NSF: variants seen among roughly 807,000 people sequenced by gnomAD.
NSF encodes the protein vesicle-fusing ATPase.
Under a neutral mutation model 50.3 loss-of-function variants are expected in NSF, and 14 were observed. That is an observed-to-expected ratio of 0.28 (90% CI 0.18 to 0.44). The LOEUF (loss-of-function observed/expected upper bound fraction) is 0.44. Ranked by LOEUF, NSF falls within the 20% of genes least tolerant of loss-of-function variation. The probability of loss-of-function intolerance (pLI) is 1.00; values close to 1 mark genes in which losing one functional copy is unlikely to be tolerated. For missense variants in NSF, 218 were observed against 504.3 expected (o/e 0.43, Z 5.44); for synonymous variants, 109 against 175.7 (o/e 0.62, Z 3.00).
intron 15 of NSF, chr17:46,721,813 C>T (rs1211693088): frequency 3.1e-6 from 5 of 1,600,000 alleles, no homozygotes; most frequent in Non-Finnish European, 2.6e-6. Flanking sequence ...GAGTACGGCT[C>T]CTGGGACACT....
At chr17:46,707,949 T>C (rs1309505302) in intron 13 of NSF, among the ~76,000 whole-genome samples, 5 of 151,702 alleles carry the variant, frequency 3.3e-5, no homozygotes, top group Admixed American at 3.3e-4. Context: ...ATGAGAATCA[T>C]TTGGATCCGG....
chr17:46,693,061 A>G lies in NSF; in HGVS notation c.1104A>G (p.Leu368=). The G allele has an allele frequency of 6.2e-7, 1 of 1,611,090 alleles. No homozygotes were observed. Among genetic ancestry groups the G allele is most frequent in the South Asian group, 1.1e-5 (1 of 90,774 alleles). ...GCGTGGAGCAGCTAAACAACATCCT[A>G]GTCATTGGTATGTTTACTTTTTAAA... The part of the protein sequence containing the change: ...IDGVEQLNNI[L]VIGMTNRPDL... The change falls in exon 10 of 21, where the codon CTA becomes CTG. Residue 368 remains leucine (L), a synonymous_variant. Transcript: ENST00000398238.
chr17:46,722,153 G>T, intron 15 of NSF: 2 of 1,611,756 alleles, frequency 1.2e-6, no homozygotes, highest in East Asian at 2.2e-5. Context: ...CGATCTTGGC[G>T]CTCGAACTGA....
At chr17:46,633,937 T>C (rs1430007225) in intron 4 of NSF, among the ~76,000 whole-genome samples, 1 of 66,342 alleles carries the variant, frequency 1.5e-5, no homozygotes, top group Non-Finnish European at 2.6e-5. Context: ...AATGGTGCGA[T>C]CTTGGCTCAC....
At chr17:46,755,467 T>C (rs1382161776) in intron 20 of NSF, 98 bp downstream of exon 20, 1 of 1,063,464 alleles carries the variant, frequency 9.4e-7, no homozygotes. Context: ...TAAGTTTGTT[T>C]CCATTTATTT....
chr17:46,728,712 A>AT (rs943201126), intron 16 of NSF, 143 bp from the exon 17 acceptor site: 1,338 of 427,020 alleles, frequency 3.1e-3, no homozygotes, highest in South Asian at 3.9e-3. Context: ...TACTCTTTAA[A>AT]TTTTTTTTTT....
chr17:46,755,209 A>C, intron 19 of NSF, 105 bp from the exon 20 acceptor site: 1 of 791,606 alleles, frequency 1.3e-6, no homozygotes, highest in Admixed American at 1.9e-5. Context: ...GTGACCTAGC[A>C]GAGCATTGAT....
At chr17:46,748,397 C>A (rs2059152117) in intron 17 of NSF, among the ~76,000 whole-genome samples, 2 of 152,190 alleles carry the variant, frequency 1.3e-5, no homozygotes, top group Admixed American at 1.3e-4. Context: ...TAGGCATGAG[C>A]CACCACACCT....
At position 46,610,027 on chromosome 17, in the gene NSF, T is replaced by TTCTC. The variant is rs1555666763; in HGVS notation, c.13-14203_13-14200dup. 7.8e-3 allele frequency among the ~76,000 whole-genome samples: 853 copies of TTCTC among 109,416 alleles called. 115 individuals carry two copies. The highest frequency in any genetic ancestry group is 0.035 in the Middle Eastern group (7 of 198). 71.8% of individuals were successfully genotyped at this position (109,416 alleles called of 152,430 possible). A position where few individuals can be genotyped will look rare whatever the true frequency, so the allele number is the denominator to read the frequency against. ...TTTCTCTCTTTCTTTCTTTCTTTCT[T>TTCTC]TCTCTCTCTCTCTCTCTTTCTTTCT... On this transcript the variant is annotated intron_variant, in intron 1 of 20. Coordinates refer to ENST00000398238, the MANE Select transcript of NSF (RefSeq NM_006178.4).
At chr17:46,635,267 GA>G (rs1290503810) in intron 4 of NSF, among the ~76,000 whole-genome samples, 4 of 140,420 alleles carry the variant, frequency 2.8e-5, no homozygotes, top group Non-Finnish European at 6.4e-5. Flanking sequence ...GGAGAACTTA[GA>G]CTTTGTAGAG....
chr17:46,749,855 C>A lies in NSF; in HGVS notation c.1991C>A (p.Thr664Asn). The change falls in exon 18 of 21, where the codon ACC becomes AAC. Residue 664 changes from threonine (T) to asparagine (N), a missense_variant. By Grantham distance (65) the Thr-to-Asn change is moderately conservative. Around this residue, in one of 2 missense-constraint regions of NSF, gnomAD observed 209 missense variants for 320.9 expected, o/e 0.65. Coordinates refer to ENST00000398238, the MANE Select transcript of NSF (RefSeq NM_006178.4). ...EMEMLNAFST[T>N]IHVPNIATGE... Reference sequence around the variant, plus strand: ...GAAATGCTTAACGCTTTCAGCACCACCATCCACGTGCCCAACATTGCCACA... The same window carrying A: ...GAAATGCTTAACGCTTTCAGCACCAACATCCACGTGCCCAACATTGCCACA... The A allele has an allele frequency of 6.2e-7, 1 of 1,614,150 alleles. No homozygotes were observed. Among genetic ancestry groups the A allele is most frequent in the Non-Finnish European group, 8.5e-7 (1 of 1,180,004 alleles).
intron 15 of NSF, among the ~76,000 whole-genome samples, chr17:46,720,641 C>G (rs1242657234): frequency 6.6e-6 from 1 of 152,090 alleles, no homozygotes; most frequent in East Asian, 1.9e-4. Context: ...TATATGCTAC[C>G]AAATATGATT....
chr17:46,756,143 A>G lies in NSF; in HGVS notation c.*320A>G, dbSNP rs939395923. ...GGACACTACACGTTTCAACCTCTCT[A>G]CTAGCACCATCACCCTTGAAAACTC... On this transcript the variant is annotated 3_prime_UTR_variant, in exon 21 of 21. Coordinates refer to ENST00000398238, the MANE Select transcript of NSF (RefSeq NM_006178.4). 4 of 248,120 alleles carry G rather than the reference A, an allele frequency of 1.6e-5. No homozygotes were observed. Among genetic ancestry groups the G allele is most frequent in the Admixed American group, 5.3e-5 (1 of 18,894 alleles). The allele number at this position is 248,120 out of a possible 1,614,324, so 15.4% of individuals were successfully genotyped here.
chr17:46,606,092 T>C (rs1260108769), intron 1 of NSF, among the ~76,000 whole-genome samples: 3 of 87,962 alleles, frequency 3.4e-5, no homozygotes, highest in Non-Finnish European at 6.1e-5. Context: ...GGTAGGAGAA[T>C]TGCTTGAACC....
rs868234570 is a variant in NSF, at chr17:46,710,897, C to T, written c.1471-66C>T. 1.3e-5 allele frequency: 18 copies of T among 1,403,550 alleles called. No homozygotes were observed. The Admixed American group carries it at 1.3e-4, about 10-fold the overall frequency. The allele number at this position is 1,403,550 out of a possible 1,614,324, so 86.9% of individuals were successfully genotyped here. A position where few individuals can be genotyped will look rare whatever the true frequency, so the allele number is the denominator to read the frequency against. Reference sequence around the variant, plus strand: ...CCTTTAGCATGTACGGATTATAACTCGTCTTTTATACTGTTAGTTTTTAAC... The same window carrying T: ...CCTTTAGCATGTACGGATTATAACTTGTCTTTTATACTGTTAGTTTTTAAC... On this transcript the variant is annotated intron_variant, in intron 13 of 20. Transcript: ENST00000398238.
At chr17:46,746,675 G>C (rs1415124484) in intron 17 of NSF, among the ~76,000 whole-genome samples, 1 of 151,942 alleles carries the variant, frequency 6.6e-6, no homozygotes, top group Non-Finnish European at 1.5e-5. Flanking sequence ...GTTTTTCTTT[G>C]TAAAGACAGG....
At chr17:46,724,378 A>G (rs2058865306) in intron 15 of NSF, among the ~76,000 whole-genome samples, 1 of 152,122 alleles carries the variant, frequency 6.6e-6, no homozygotes, top group Non-Finnish European at 1.5e-5. Context: ...TGTTCATTAT[A>G]TTTTCTCAGA....
chr17:46,722,283 G>C, intron 15 of NSF: 1 of 844,394 alleles, frequency 1.2e-6, no homozygotes, highest in Non-Finnish European at 2.0e-6. Context: ...TGTAAGATAC[G>C]GTTCTTACCT....
chr17:46,755,370 G>GTCC lies in NSF; in HGVS notation c.2213+2_2213+3insCCT. The GTCC allele has an allele frequency of 6.2e-7, 1 of 1,611,626 alleles. No homozygotes were observed. The highest frequency in any genetic ancestry group is 8.5e-7 in the Non-Finnish European group (1 of 1,177,698). On this transcript the variant is annotated splice_donor_variant, in intron 20 of 20. Transcript: ENST00000398238. LOFTEE classifies it high-confidence loss of function. Reference sequence around the variant, plus strand: ...TGGCCCTCTTAAGAGAAGAAGGAGCGTAAGTACATACAACATTTAATGACC... The same window carrying GTCC: ...TGGCCCTCTTAAGAGAAGAAGGAGCGTCCTAAGTACATACAACATTTAATGACC...
Sources: gnomAD v4.1 joint callset for allele counts (sites outside exome capture counted in the v4.1 genomes callset) on GRCh38, gnomAD v4.1.1 for gene constraint, gnomAD v4.1.1 regional missense constraint, MANE v1.5 for transcripts, NCBI Gene and HGNC (gene_info 2026-07-23, HGNC 2026-07-21) for gene names.